The following UBAP2 variants were observed in gnomAD, a reference collection of about 807,000 sequenced individuals.
UBAP2 encodes the protein ubiquitin associated protein 2, also known as ubiquitin-associated protein 2.
Under a neutral mutation model 139.6 loss-of-function variants are expected in UBAP2, and 75 were observed. That is an observed-to-expected ratio of 0.54 (90% confidence interval 0.45 to 0.65). The LOEUF is 0.65. Among genes scored for constraint, UBAP2 ranks in the 30% least tolerant of loss-of-function variants. The pLI, the probability that UBAP2 is intolerant of heterozygous loss-of-function variation, is 0.00. For missense variants in UBAP2, 1,368 were observed against 1,369.6 expected (o/e 1.00, Z 0.02); for synonymous variants, 526 against 526.2 (o/e 1.00, Z 0.01).
chr9:33,963,466 G>C (rs187830320), intron 9 of UBAP2, among the ~76,000 whole-genome samples: 37 of 152,226 alleles, frequency 2.4e-4, no homozygotes, highest in East Asian at 1.3e-3. Context: ...ATTTAACTTG[G>C]TGTTAGTCCT....
At chr9:33,985,519 C>G in intron 6 of UBAP2, among the ~76,000 whole-genome samples, 1 of 152,154 alleles carries the variant, frequency 6.6e-6, no homozygotes, top group East Asian at 1.9e-4. Flanking sequence ...TTTGGAGCAA[C>G]ATGAATGGAC....
chr9:34,020,325 A>AT (rs574825348), intron 1 of UBAP2, among the ~76,000 whole-genome samples: 11,975 of 145,490 alleles, frequency 0.082, 637 homozygotes, highest in Non-Finnish European at 0.12. Context: ...AGAGCCAATG[A>AT]TTTTTTTTTT....
At chr9:33,929,682 G>A (rs941826782) in intron 19 of UBAP2, among the ~76,000 whole-genome samples, 1 of 152,042 alleles carries the variant, frequency 6.6e-6, no homozygotes, top group East Asian at 1.9e-4. Flanking sequence ...CCAAAGACCT[G>A]ACAAAAAAAG....
intron 21 of UBAP2, 138 bp downstream of exon 21, chr9:33,926,851 T>TG (rs1823476540): frequency 1.1e-5 from 11 of 989,496 alleles, no homozygotes; most frequent in Non-Finnish European, 1.7e-5. Context: ...CAGGGCTCAG[T>TG]GGGGCAGAGA....
At chr9:33,954,010 G>T (rs540165194) in intron 11 of UBAP2, among the ~76,000 whole-genome samples, 1 of 151,794 alleles carries the variant, frequency 6.6e-6, no homozygotes, top group African/African-American at 2.4e-5. Context: ...AGGCTTAAGC[G>T]ATTCTCGTGC....
intron 16 of UBAP2, among the ~76,000 whole-genome samples, chr9:33,937,285 T>C (rs985033115): frequency 2.6e-5 from 4 of 151,946 alleles, no homozygotes; most frequent in African/African-American, 9.7e-5. Flanking sequence ...ATAAGTAAAA[T>C]TATCTAGCAT....
chr9:33,995,501 ATATT>A (rs1465358716), intron 4 of UBAP2: 7 of 135,608 alleles, frequency 5.2e-5, no homozygotes, highest in East Asian at 2.0e-4. Context: ...TTAAATATAT[ATATT>A]TATATTATTA....
intron 3 of UBAP2, chr9:33,998,560 G>A (rs1320703066): frequency 6.5e-6 from 3 of 461,766 alleles, no homozygotes; most frequent in African/African-American, 6.0e-5. Context: ...GTAAACACTA[G>A]TAACTCAGAA....
At chr9:33,962,815 A>G (rs1827170574) in intron 9 of UBAP2, among the ~76,000 whole-genome samples, 1 of 151,302 alleles carries the variant, frequency 6.6e-6, no homozygotes, top group Non-Finnish European at 1.5e-5. Flanking sequence ...CATCTCTACT[A>G]AAAATACAAA....
chr9:34,000,191 T>C (rs929654972), intron 2 of UBAP2, among the ~76,000 whole-genome samples: 3 of 152,000 alleles, frequency 2.0e-5, no homozygotes, highest in Admixed American at 6.6e-5. Context: ...CATAGCTCAC[T>C]GCAGCCTCCA....
intron 8 of UBAP2, chr9:33,968,613 C>A: frequency 3.5e-6 from 1 of 285,654 alleles, no homozygotes; most frequent in East Asian, 7.7e-5. Flanking sequence ...AACACTTTTC[C>A]TTACTGAAAT....
chr9:34,041,602 C>G (rs1023027532), intron 1 of UBAP2, among the ~76,000 whole-genome samples: 1 of 151,688 alleles, frequency 6.6e-6, no homozygotes, highest in African/African-American at 2.4e-5. Flanking sequence ...GAGGCCGAGG[C>G]AGGAGAATTG....
In UBAP2 at chr9:33,925,109, A is replaced by C. The variant is rs548893650; in HGVS notation, c.2512-825T>G. ...CGTGGAGGAGGGGAGGTCTGACCTG[A>C]CCCTCACTCACCATCCAGGGCCTCG... On this transcript the variant is annotated intron_variant, in intron 22 of 28. Coordinates refer to ENST00000379238, the MANE Select transcript of UBAP2 (RefSeq NM_001370062.2). 5.3e-5 allele frequency among the ~76,000 whole-genome samples: 8 copies of C among 152,022 alleles called. No individual in the cohort carries two copies. The East Asian group carries it at 1.6e-3, about 29-fold the overall frequency.
chr9:33,992,111 C>T (rs1235411375), intron 4 of UBAP2, among the ~76,000 whole-genome samples: 1 of 152,098 alleles, frequency 6.6e-6, no homozygotes, highest in African/African-American at 2.4e-5. Context: ...AATTAGCAGC[C>T]GGGTGCAGTG....
At chr9:34,047,697 C>T (rs1384444112) in intron 1 of UBAP2, among the ~76,000 whole-genome samples, 1 of 152,208 alleles carries the variant, frequency 6.6e-6, no homozygotes, top group Non-Finnish European at 1.5e-5. Context: ...AAACCCTCAA[C>T]TAGCTGAGCA....
At chr9:34,008,873 G>A (rs920395387) in intron 2 of UBAP2, among the ~76,000 whole-genome samples, 1 of 145,170 alleles carries the variant, frequency 6.9e-6, no homozygotes, top group African/African-American at 2.6e-5. Context: ...GCTGAGGCAG[G>A]AGAATGGCTT....
chr9:33,969,673 C>A (rs1342815053), intron 8 of UBAP2, among the ~76,000 whole-genome samples: 1 of 146,950 alleles, frequency 6.8e-6, no homozygotes, highest in Non-Finnish European at 1.5e-5. Flanking sequence ...TCAAGACCAG[C>A]CTGGCCAACA....
At chr9:34,011,015 T>C (rs1823711405) in intron 2 of UBAP2, among the ~76,000 whole-genome samples, 1 of 152,006 alleles carries the variant, frequency 6.6e-6, no homozygotes, top group South Asian at 2.1e-4. Context: ...ATATTTAAAC[T>C]TGAAAACTGC....
chr9:33,985,894 C>A (rs545229990), intron 6 of UBAP2, among the ~76,000 whole-genome samples: 1 of 149,670 alleles, frequency 6.7e-6, no homozygotes, highest in Non-Finnish European at 1.5e-5. Flanking sequence ...TGGTGGCGTG[C>A]ACCTGTAGTC....
Sources: gnomAD v4.1 joint callset for allele counts (sites outside exome capture counted in the v4.1 genomes callset) on GRCh38, gnomAD v4.1.1 for gene constraint, MANE v1.5 for transcripts, NCBI Gene and HGNC (gene_info 2026-07-23, HGNC 2026-07-21) for gene names.